Variants in EGFL6 observed in about 807,000 individuals in gnomAD.
EGFL6 encodes EGF like domain multiple 6.
EGFL6 carries 42 observed loss-of-function variants against 43.1 expected under a neutral mutation model. That is an observed-to-expected ratio of 0.98 (90% CI 0.76 to 1.26). The LOEUF (loss-of-function observed/expected upper bound fraction) is 1.26, where lower values mean the gene tolerates loss of function less well. Ranked by LOEUF, EGFL6 falls within the 50% of genes most tolerant of loss-of-function variation. The pLI is 0.00. For missense variants in EGFL6, 429 were observed against 427.8 expected (o/e 1.00, Z -0.02); for synonymous variants, 164 against 163.2 (o/e 1.01, Z -0.04).
intron 11 of EGFL6, among the ~76,000 whole-genome samples, chrX:13,629,172 T>C (rs139484332): frequency 2.2e-3 from 248 of 112,480 alleles, no homozygotes; most frequent in Middle Eastern, 4.6e-3. Context: ...TTGAGTTTAT[T>C]CTTATAGCAG....
intron 1 of EGFL6, among the ~76,000 whole-genome samples, chrX:13,571,116 A>ACCC (rs1569199935): frequency 8.4e-5 from 2 of 23,788 alleles, no homozygotes. Flanking sequence ...ACCCCCCACC[A>ACCC]CCACCACCAC....
At chrX:13,570,527 T>G (rs2045435389) in intron 1 of EGFL6, among the ~76,000 whole-genome samples, 3 of 111,998 alleles carry the variant, frequency 2.7e-5, no homozygotes, top group African/African-American at 9.8e-5. Flanking sequence ...ACCATTCTCA[T>G]TCTTGCTATG....
intron 11 of EGFL6, among the ~76,000 whole-genome samples, chrX:13,629,250 T>C (rs1452637727): frequency 8.9e-6 from 1 of 112,293 alleles, no homozygotes; most frequent in Non-Finnish European, 1.9e-5. Context: ...GTTTGGGGAC[T>C]GTGGCACTGA....
intron 4 of EGFL6, among the ~76,000 whole-genome samples, chrX:13,602,955 A>G (rs187804000): frequency 3.6e-5 from 4 of 112,201 alleles, no homozygotes; most frequent in African/African-American, 1.3e-4. Context: ...CAGGTTGATA[A>G]TCTCCATCAG....
At position 13,608,354 on chromosome X, in the gene EGFL6, C is replaced by G; in HGVS notation, c.686C>G (p.Thr229Arg). ...AATGAATGTACTATGGATAGCCATACGTGCAGCCACCATGCCAATTGCTTC... is the reference window on the plus strand; with the variant it reads ...AATGAATGTACTATGGATAGCCATAGGTGCAGCCACCATGCCAATTGCTTC... ...DINECTMDSH[T>R]CSHHANCFNT... Residue 229 changes from threonine (T) to arginine (R), a missense_variant, in exon 7 of 12, where the codon ACG becomes AGG. Physicochemically the swap from Thr to Arg is moderately conservative, Grantham distance 71. Transcript: ENST00000361306. 8.3e-7 allele frequency: 1 copy of G among 1,207,592 alleles called. No individual in the cohort carries two copies. The highest frequency in any genetic ancestry group is 1.8e-5 in the South Asian group (1 of 56,829).
rs780886498 is a variant in EGFL6, at chrX:13,596,048, T to C, written c.280+1120T>C. Among the ~76,000 whole-genome samples the C allele has an allele frequency of 1.6e-4, 18 of 111,674 alleles. 1 individual carries two copies. The highest frequency in any genetic ancestry group is 2.8e-4 in the Non-Finnish European group (15 of 53,174). ...TATATCATAACAGATAATTTATAACTTTCATCCTAGATTGTTTGTCTGAAA... is the reference window on the plus strand; with the variant it reads ...TATATCATAACAGATAATTTATAACCTTCATCCTAGATTGTTTGTCTGAAA... On this transcript the variant is annotated intron_variant, in intron 3 of 11. Transcript: ENST00000361306.
At chrX:13,594,143 C>G (rs146850787) in intron 2 of EGFL6, among the ~76,000 whole-genome samples, 1 of 111,037 alleles carries the variant, frequency 9.0e-6, no homozygotes, top group Non-Finnish European at 1.9e-5. Context: ...TCCCTGTGAG[C>G]TGGAATGAAA....
chrX:13,630,442 C>G (rs143741078), intron 11 of EGFL6, among the ~76,000 whole-genome samples: 354 of 111,003 alleles, frequency 3.2e-3, no homozygotes, highest in African/African-American at 0.011. Flanking sequence ...ACATAGCCAC[C>G]CTCATTATCC....
chrX:13,582,691 A>T (rs1384583285), intron 1 of EGFL6, among the ~76,000 whole-genome samples: 1 of 111,329 alleles, frequency 9.0e-6, no homozygotes, highest in Non-Finnish European at 1.9e-5. Context: ...AGCAATAAAG[A>T]TTGAGAAAAT....
rs57746783 is a variant in EGFL6 at position 13,610,917 on chromosome X, T to C, written c.778+2471T>C. On this transcript the variant is annotated intron_variant, in intron 7 of 11. Coordinates refer to ENST00000361306, the MANE Select transcript of EGFL6 (RefSeq NM_015507.4). ...GAGGTAGGGTAGACAGTTGCATGCG[T>C]ATCTCTAGCAGTGCTCTCTCTGACA... is the stretch of plus-strand genomic sequence containing the variant. Among the ~76,000 whole-genome samples the C allele has an allele frequency of 7.7e-3, 859 of 111,075 alleles. 18 individuals carry two copies. The East Asian group carries it at 0.097, about 13-fold the overall frequency.
chrX:13,613,153 T>TATAC (rs1305690363), intron 7 of EGFL6, among the ~76,000 whole-genome samples: 2 of 77,445 alleles, frequency 2.6e-5, no homozygotes, highest in Non-Finnish European at 5.1e-5. Flanking sequence ...TCCATAAATA[T>TATAC]ATACATATAT....
intron 7 of EGFL6, among the ~76,000 whole-genome samples, chrX:13,616,859 A>AT (rs773399610): frequency 0.085 from 7,598 of 88,895 alleles, 443 homozygotes; most frequent in African/African-American, 0.14. Context: ...CTAGAGGTAC[A>AT]TTTTTTTTTT....
chrX:13,590,700 C>T (rs890604591), intron 2 of EGFL6, among the ~76,000 whole-genome samples: 1 of 112,005 alleles, frequency 8.9e-6, no homozygotes, highest in African/African-American at 3.2e-5. Flanking sequence ...ATCTATAAAA[C>T]AATAGAAAAC....
intron 2 of EGFL6, among the ~76,000 whole-genome samples, chrX:13,593,343 C>T (rs924731537): frequency 1.8e-5 from 2 of 111,660 alleles, no homozygotes; most frequent in Non-Finnish European, 1.9e-5. Context: ...AGTTTAATGT[C>T]GTGTCTGACA....
intron 7 of EGFL6, among the ~76,000 whole-genome samples, chrX:13,611,249 T>C (rs1412001004): frequency 9.0e-6 from 1 of 111,647 alleles, no homozygotes; most frequent in Non-Finnish European, 1.9e-5. Context: ...TGAGGTAATA[T>C]AGAGAGAGAG....
intron 3 of EGFL6, among the ~76,000 whole-genome samples, chrX:13,597,080 C>T (rs987349602): frequency 1.8e-5 from 2 of 111,977 alleles, no homozygotes; most frequent in South Asian, 3.8e-4. Flanking sequence ...GTGAATGGAG[C>T]CCAGGGATGC....
At chrX:13,609,573 GA>G (rs770389602) in intron 7 of EGFL6, among the ~76,000 whole-genome samples, 2 of 110,651 alleles carry the variant, frequency 1.8e-5, no homozygotes, top group Non-Finnish European at 3.8e-5. Flanking sequence ...CCAACATCGT[GA>G]AACCCTGTCC....
intron 3 of EGFL6, among the ~76,000 whole-genome samples, chrX:13,597,783 CAG>C (rs1491036021): frequency 1.9e-5 from 2 of 108,017 alleles, no homozygotes; most frequent in Admixed American, 9.8e-5. Context: ...GACTCCATCT[CAG>C]AAAAAAAAAT....
chrX:13,629,975 C>T (rs1206174675), intron 11 of EGFL6, among the ~76,000 whole-genome samples: 2 of 112,197 alleles, frequency 1.8e-5, no homozygotes, highest in African/African-American at 3.2e-5. Context: ...ATGCCAGGCC[C>T]AGACACAGAA....
Sources: allele counts gnomAD v4.1 joint callset (sites outside exome capture counted in the v4.1 genomes callset), GRCh38; gene constraint gnomAD v4.1.1; transcripts MANE v1.5; gene names NCBI Gene and HGNC (gene_info 2026-07-23, HGNC 2026-07-21).